AGR3: variants seen among roughly 807,000 people sequenced by gnomAD.
AGR3 encodes anterior gradient 3, protein disulphide isomerase family member.
A neutral mutation model predicts 24.5 loss-of-function variants in AGR3; 37 were observed. That is an observed-to-expected ratio of 1.51 (90% CI 1.16 to 1.99). The LOEUF (loss-of-function observed/expected upper bound fraction) is 1.99. Ranked by LOEUF, AGR3 falls within the 30% of genes most tolerant of loss-of-function variation. AGR3 has a pLI of 0.00. For missense variants in AGR3, 228 were observed against 191.1 expected (o/e 1.19, Z -1.14); for synonymous variants, 75 against 61.6 (o/e 1.22, Z -1.02).
chr7:16,880,062 TCCTTCCTTCC>T (rs1196024788), intron 1 of AGR3, among the ~76,000 whole-genome samples: 3 of 146,522 alleles, frequency 2.0e-5, no homozygotes, highest in African/African-American at 7.5e-5. Flanking sequence ...CCCTTCCCCT[TCCTTCCTTCC>T]CCTTCCTTCT....
intron 3 of AGR3, among the ~76,000 whole-genome samples, chr7:16,863,472 A>G (rs1186519575): frequency 6.6e-6 from 1 of 152,148 alleles, no homozygotes; most frequent in African/African-American, 2.4e-5. Flanking sequence ...ATAAAAAGTT[A>G]AAAAGATAAA....
At chr7:16,859,025 G>A (rs1781589712), downstream of AGR3, among the ~76,000 whole-genome samples, 1 of 152,286 alleles carries the variant, frequency 6.6e-6, no homozygotes. Flanking sequence ...TTATCCACTT[G>A]TTTTGGTAAC....
intron 1 of AGR3, among the ~76,000 whole-genome samples, chr7:16,879,167 A>G (rs1200761199): frequency 6.6e-6 from 1 of 152,252 alleles, no homozygotes; most frequent in African/African-American, 2.4e-5. Flanking sequence ...CTTGTCCTTC[A>G]GTTCCTTTAT....
intron 5 of AGR3, 48 bp from the exon 6 acceptor site, chr7:16,861,495 T>C (rs200001028): frequency 2.4e-5 from 36 of 1,509,424 alleles, no homozygotes; most frequent in Non-Finnish European, 3.1e-5. Context: ...CATTTGTTTT[T>C]GATAGTTTCA....
chr7:16,864,877 C>A, intron 3 of AGR3: 7 of 872,588 alleles, frequency 8.0e-6, no homozygotes, highest in African/African-American at 1.6e-5. Flanking sequence ...ACTGAGGATA[C>A]CTGCAAAACT....
At chr7:16,864,199 T>C (rs545200518) in intron 3 of AGR3, 43 of 957,336 alleles carry the variant, frequency 4.5e-5, no homozygotes, top group South Asian at 3.2e-4. Flanking sequence ...TTAACTCTGC[T>C]GAAGTACCAC....
chr7:16,873,538 T>C, intron 3 of AGR3: 1 of 442,752 alleles, frequency 2.3e-6, no homozygotes, highest in Non-Finnish European at 4.1e-6. Flanking sequence ...TACAGCACTA[T>C]AGGGTACATA....
At chr7:16,878,979 T>G (rs2115318881) in intron 1 of AGR3, among the ~76,000 whole-genome samples, 1 of 152,226 alleles carries the variant, frequency 6.6e-6, no homozygotes, top group South Asian at 2.1e-4. Flanking sequence ...AATAAGATCA[T>G]GTTGTTTGAT....
In AGR3 at chr7:16,873,792, T is replaced by A; in HGVS notation, c.161A>T (p.Tyr54Phe). Residue 54 changes from tyrosine (Y) to phenylalanine (F), a missense_variant, in exon 3 of 8, where the codon TAT becomes TTT. Transcript: ENST00000310398. ...AGAAGCATGTTACCTTTTTTGAGCA[T>A]AAAAGAGACCTTCTTCATAAGTTTG... is the stretch of plus-strand genomic sequence containing the variant. Reference protein sequence around the residue: ...WVQTYEEGLFYAQKSKKPLMV... With the variant: ...WVQTYEEGLFFAQKSKKPLMV... The A allele has an allele frequency of 6.2e-7, 1 of 1,612,386 alleles. No homozygotes were observed. The highest frequency in any genetic ancestry group is 2.2e-5 in the East Asian group (1 of 44,860).
chr7:16,866,777 G>C (rs1781766351), intron 3 of AGR3, among the ~76,000 whole-genome samples: 1 of 151,858 alleles, frequency 6.6e-6, no homozygotes, highest in South Asian at 2.1e-4. Flanking sequence ...CTGTTGACTT[G>C]TTGACCTTTT....
intron 3 of AGR3, among the ~76,000 whole-genome samples, chr7:16,866,555 G>A (rs961911528): frequency 2.6e-5 from 4 of 152,122 alleles, no homozygotes; most frequent in Non-Finnish European, 5.9e-5. Context: ...CATAGAAGCT[G>A]TACCAATTCA....
rs117978309 is a variant in AGR3 at position 16,865,400 on chromosome 7, C to T, written c.174-2738G>A. On this transcript the variant is annotated intron_variant, in intron 3 of 7. Transcript: ENST00000310398. ...CTCCATTCTTGTTAGCCTCTATAGT[C>T]ACTATTCGATTAAGAAATTTCATCG... 17 of 989,160 alleles carry T rather than the reference C, an allele frequency of 1.7e-5. No individual in the cohort carries two copies. The East Asian group carries it at 4.1e-4, about 24-fold the overall frequency. 61.3% of individuals were successfully genotyped at this position (989,160 alleles called of 1,614,324 possible).
At chr7:16,861,326 C>G in intron 6 of AGR3, 58 bp downstream of exon 6, 9 of 1,333,026 alleles carry the variant, frequency 6.8e-6, no homozygotes, top group Non-Finnish European at 8.2e-6. Flanking sequence ...AAAATAAAAG[C>G]AAGAATGCTG....
chr7:16,878,817 C>T (rs1026648594), intron 1 of AGR3, among the ~76,000 whole-genome samples, 172 bp from the exon 2 acceptor site: 1 of 152,184 alleles, frequency 6.6e-6, no homozygotes, highest in African/African-American at 2.4e-5. Context: ...TTTTAAAATA[C>T]TTAATCAACT....
At chr7:16,872,342 A>G (rs1781881234) in intron 3 of AGR3, among the ~76,000 whole-genome samples, 1 of 152,216 alleles carries the variant, frequency 6.6e-6, no homozygotes, top group African/African-American at 2.4e-5. Context: ...AGGTGGCAAG[A>G]ACATGCATTG....
Position 16,873,746 on chromosome 7 carries a change from TAAAAG to T in AGR3, c.173+29_173+33del, listed in dbSNP as rs778560388. ...ACAATTATTATGAGTCTACTACAAA[TAAAAG>T]GAAAAAAATGAGCTGAGAAGCATGT... On this transcript the variant is annotated intron_variant, in intron 3 of 7. Coordinates refer to ENST00000310398, the MANE Select transcript of AGR3 (RefSeq NM_176813.5). 1.7e-5 allele frequency: 25 copies of T among 1,513,762 alleles called. No homozygotes were observed. In the East Asian group the frequency reaches 4.1e-4, roughly 25 times the overall value. The allele number at this position is 1,513,762 out of a possible 1,614,324, so 93.8% of individuals were successfully genotyped here.
downstream of AGR3, among the ~76,000 whole-genome samples, chr7:16,858,972 T>C (rs369222905): frequency 1.3e-5 from 2 of 152,216 alleles, no homozygotes; most frequent in South Asian, 2.1e-4. Flanking sequence ...TGGTTAGTGC[T>C]GAAATATGTA....
intron 3 of AGR3, chr7:16,865,919 C>G: frequency 1.4e-6 from 1 of 707,196 alleles, no homozygotes; most frequent in Non-Finnish European, 2.6e-6. Flanking sequence ...TAAAATAGAT[C>G]CATCCTGTTT....
chr7:16,862,184 G>T, intron 4 of AGR3, 124 bp from the exon 5 acceptor site: 1 of 722,394 alleles, frequency 1.4e-6, no homozygotes, highest in Non-Finnish European at 2.3e-6. Context: ...AATATTAATA[G>T]TTCATTGGCC....
Sources: gnomAD v4.1 joint callset for allele counts (sites outside exome capture counted in the v4.1 genomes callset) on GRCh38, gnomAD v4.1.1 for gene constraint, MANE v1.5 for transcripts, NCBI Gene and HGNC (gene_info 2026-07-23, HGNC 2026-07-21) for gene names.